MAP2: variants seen among roughly 807,000 people sequenced by gnomAD.
MAP2 encodes the protein microtubule-associated protein 2.
MAP2 carries 14 observed loss-of-function variants against 137.6 expected under a neutral mutation model. The observed-to-expected ratio is 0.10, with a 90% CI of 0.07 to 0.16. MAP2 has a LOEUF of 0.16. Ranked by LOEUF, MAP2 falls within the 10% of genes least tolerant of loss-of-function variation. The pLI is 1.00. For synonymous variants in MAP2, 786 were observed against 782.3 expected, an observed-to-expected ratio of 1.00 and a Z score of -0.08; for missense variants, 2,088 against 2,191.5, an observed-to-expected ratio of 0.95 and a Z score of 0.94.
chr2:209,681,234 T>C (rs1359429741), intron 7 of MAP2, among the ~76,000 whole-genome samples: 1 of 152,198 alleles, frequency 6.6e-6, no homozygotes, highest in Non-Finnish European at 1.5e-5. Flanking sequence ...CACTTCCTTA[T>C]GAAAGTGTCA....
rs759644376 is a variant in MAP2 at position 209,695,355 on chromosome 2, T to G, written c.3185T>G (p.Ile1062Arg). 3 of 1,613,840 alleles carry G rather than the reference T, an allele frequency of 1.9e-6. No homozygotes were observed. In the East Asian group the frequency reaches 6.7e-5, roughly 36 times the overall value. Residue 1062 changes from isoleucine to arginine, a missense_variant, in exon 8 of 16, where the codon ATA becomes AGA. Physicochemically the swap from Ile to Arg is moderately conservative, Grantham distance 97. This residue lies in a region of MAP2 where 500 missense variants were observed against 482.9 expected (regional missense o/e 1.04). Transcript: ENST00000682079. ...DFGQMASGLN[I>R]DDRRATELKL... ...GGACAGATGGCTTCAGGGCTAAACA[T>G]AGATGATAGAAGGGCAACAGAGCTA...
chr2:209,706,764 CT>C (rs1369304784), intron 12 of MAP2, among the ~76,000 whole-genome samples: 1 of 152,090 alleles, frequency 6.6e-6, no homozygotes, highest in African/African-American at 2.4e-5. Context: ...TTATAGTTGA[CT>C]TCAACACTTA....
At chr2:209,729,815 G>T (rs1356958324) in intron 14 of MAP2, 35 bp from the exon 15 acceptor site, 3 of 1,399,142 alleles carry the variant, frequency 2.1e-6, no homozygotes, top group Non-Finnish European at 3.0e-6. Context: ...ACGAATGCAA[G>T]ATATAGTTAA....
intron 5 of MAP2, among the ~76,000 whole-genome samples, chr2:209,658,831 T>A (rs1248040077): frequency 2.0e-5 from 3 of 152,164 alleles, no homozygotes. Context: ...TTCTAATTTC[T>A]ATTCATCCCT....
At chr2:209,523,356 T>G (rs559987679) in intron 2 of MAP2, among the ~76,000 whole-genome samples, 1 of 152,188 alleles carries the variant, frequency 6.6e-6, no homozygotes, top group African/African-American at 2.4e-5. Context: ...TTGCTTGATA[T>G]AATTTTAGTG....
intron 5 of MAP2, 119 bp from the exon 6 acceptor site, chr2:209,678,453 T>C (rs1265804641): frequency 7.1e-6 from 3 of 420,602 alleles, no homozygotes; most frequent in Non-Finnish European, 1.3e-5. Context: ...AAAAATTATG[T>C]TGTACTTTTT....
In MAP2 at chr2:209,564,612, A is replaced by C. The variant is rs924975011; in HGVS notation, c.-171-15424A>C. Among the ~76,000 whole-genome samples the C allele has an allele frequency of 7.4e-5, 11 of 149,074 alleles. No homozygotes were observed. In the Admixed American group the frequency reaches 7.4e-4, roughly 10 times the overall value. ...AAAGCCAGGGGTAGCCACAACCTTCATGTCTACTTTCATAGCCCCTTCCCC... is the reference window on the plus strand; with the variant it reads ...AAAGCCAGGGGTAGCCACAACCTTCCTGTCTACTTTCATAGCCCCTTCCCC... On this transcript the variant is annotated intron_variant, in intron 2 of 15. Transcript: ENST00000682079.
chr2:209,498,586 A>T (rs764608387), intron 1 of MAP2, among the ~76,000 whole-genome samples: 5 of 152,224 alleles, frequency 3.3e-5, no homozygotes, highest in Admixed American at 6.5e-5. Context: ...CTGGGCATCC[A>T]GGCTTTTCTA....
chr2:209,502,571 G>C, intron 1 of MAP2, among the ~76,000 whole-genome samples: 1 of 152,098 alleles, frequency 6.6e-6, no homozygotes. Flanking sequence ...ATCTCTTCAA[G>C]GTACCGACTT....
intron 2 of MAP2, among the ~76,000 whole-genome samples, chr2:209,557,497 G>A (rs971435621): frequency 6.6e-6 from 1 of 152,080 alleles, no homozygotes; most frequent in African/African-American, 2.4e-5. Context: ...AGAGTGAATC[G>A]TGTGGAGGCT....
chr2:209,679,323 A>ATAGT (rs1339083579), intron 6 of MAP2, among the ~76,000 whole-genome samples: 1 of 10,480 alleles, frequency 9.5e-5, no homozygotes, highest in African/African-American at 6.1e-4. Flanking sequence ...GCCCCTACTC[A>ATAGT]TAGATAGATA....
At chr2:209,454,107 C>T (rs989984629) in intron 1 of MAP2, among the ~76,000 whole-genome samples, 2 of 135,326 alleles carry the variant, frequency 1.5e-5, no homozygotes, top group Non-Finnish European at 3.1e-5. Flanking sequence ...GCCTAGATCG[C>T]GCTCTGCACT....
chr2:209,494,383 TAACA>T (rs1427638442), intron 1 of MAP2, among the ~76,000 whole-genome samples: 1 of 151,126 alleles, frequency 6.6e-6, no homozygotes, highest in Non-Finnish European at 1.5e-5. Flanking sequence ...TATACCTATG[TAACA>T]AACCTGCATG....
chr2:209,650,748 G>C (rs1186340969), intron 4 of MAP2, among the ~76,000 whole-genome samples: 1 of 152,120 alleles, frequency 6.6e-6, no homozygotes, highest in East Asian at 1.9e-4. Flanking sequence ...TGTATGCAAG[G>C]GGTAGATGGG....
At chr2:209,604,426 TG>T (rs2083979211) in intron 3 of MAP2, among the ~76,000 whole-genome samples, 1 of 152,168 alleles carries the variant, frequency 6.6e-6, no homozygotes, top group Non-Finnish European at 1.5e-5. Context: ...AAAAGGTTTT[TG>T]CTCCTGGTCT....
At chr2:209,594,396 T>C (rs1228479655) in intron 3 of MAP2, among the ~76,000 whole-genome samples, 1 of 152,170 alleles carries the variant, frequency 6.6e-6, no homozygotes, top group East Asian at 1.9e-4. Flanking sequence ...AATAAGTTTC[T>C]TAATGAATTG....
At chr2:209,648,987 T>G (rs1348131012) in intron 4 of MAP2, among the ~76,000 whole-genome samples, 11 of 151,996 alleles carry the variant, frequency 7.2e-5, no homozygotes, top group Non-Finnish European at 2.9e-5. Context: ...CACAACAAAT[T>G]TTTTAGTAGA....
chr2:209,562,272 A>G (rs191325158), intron 2 of MAP2, among the ~76,000 whole-genome samples: 5 of 152,304 alleles, frequency 3.3e-5, no homozygotes, highest in South Asian at 2.1e-4. Context: ...AGGCACTACA[A>G]TATTACTAAT....
At chr2:209,499,540 A>G (rs994957785) in intron 1 of MAP2, among the ~76,000 whole-genome samples, 4 of 152,160 alleles carry the variant, frequency 2.6e-5, no homozygotes, top group Non-Finnish European at 5.9e-5. Context: ...CCCACTCTTC[A>G]GTTCAATGTA....
Sources: gnomAD v4.1 joint callset for allele counts (sites outside exome capture counted in the v4.1 genomes callset) on GRCh38, gnomAD v4.1.1 for gene constraint, gnomAD v4.1.1 regional missense constraint, MANE v1.5 for transcripts, NCBI Gene and HGNC (gene_info 2026-07-23, HGNC 2026-07-21) for gene names.